Variants in THEM6 observed in about 807,000 individuals in gnomAD.
THEM6 encodes the protein protein THEM6.
Under a neutral mutation model 13.7 loss-of-function variants are expected in THEM6, and 10 were observed. The observed-to-expected ratio is 0.73, with a 90% CI of 0.45 to 1.24. THEM6 has a LOEUF of 1.24. Among genes scored for constraint, THEM6 ranks in the 50% most tolerant of loss-of-function variants. The pLI is 0.00. For missense variants in THEM6, 317 were observed against 312.6 expected (o/e 1.01, Z -0.11); for synonymous variants, 161 against 156.0 (o/e 1.03, Z -0.24).
chr8:142,727,565 G>T lies in THEM6; in HGVS notation c.219G>T (p.Glu73Asp). 1 of 1,543,502 alleles carries T rather than the reference G, an allele frequency of 6.5e-7. No homozygotes were observed. The highest frequency in any genetic ancestry group is 1.9e-5 in the Admixed American group (1 of 53,470). Residue 73 changes from glutamate (E) to aspartate (D), a missense_variant, in exon 1 of 2, where the codon GAG (glutamate) becomes GAT (aspartate). Physicochemically the swap from Glu to Asp is conservative, Grantham distance 45 (BLOSUM62 2). Transcript: ENST00000336138. ...LHMNNARYLR[E>D]ADFARVAHLT... is the part of the protein sequence containing the mutation. Reference sequence around the variant, plus strand: ...TGAACAACGCGCGCTACCTGCGCGAGGCCGACTTTGCGCGCGTCGCGCACC... The same window carrying T: ...TGAACAACGCGCGCTACCTGCGCGATGCCGACTTTGCGCGCGTCGCGCACC...
chr8:142,735,682 G>A lies in THEM6; in HGVS notation c.*243G>A, dbSNP rs1264633025. ...TCTGCCCTCAAGGTGGGGATGGATG[G>A]GCAAAGGAGAGTCCTGCCTGGCCCT... On this transcript the variant is annotated 3_prime_UTR_variant, in exon 2 of 2. Transcript: ENST00000336138. The A allele has an allele frequency of 5.7e-6, 3 of 530,832 alleles. No homozygotes were observed. The highest frequency in any genetic ancestry group is 6.3e-5 in the Admixed American group (2 of 31,962). 32.9% of individuals were successfully genotyped at this position (530,832 alleles called of 1,614,324 possible).
intron 1 of THEM6, 118 bp downstream of exon 1, chr8:142,727,977 C>T (rs1815550567): frequency 1.7e-6 from 2 of 1,173,366 alleles, no homozygotes; most frequent in South Asian, 2.0e-5. Context: ...CTTTCGGATA[C>T]TGCTGGAGTC....
chr8:142,729,997 G>A (rs1414427924), intron 1 of THEM6, among the ~76,000 whole-genome samples: 2 of 152,232 alleles, frequency 1.3e-5, no homozygotes, highest in African/African-American at 4.8e-5. Flanking sequence ...GCTAGCTGTT[G>A]TTGATCTTTT....
chr8:142,730,497 G>A (rs587667980), intron 1 of THEM6, among the ~76,000 whole-genome samples: 6 of 152,312 alleles, frequency 3.9e-5, no homozygotes, highest in Middle Eastern at 3.4e-3. Context: ...CTCCATTCCT[G>A]CTCAGCGCCG....
rs3736011 is a variant in THEM6, at chr8:142,736,371, G to A, written c.*932G>A. ...TGCCCCTCTCTGGCCTGGCCGGCAG[G>A]CGTCTTCTTAACTCCTCTGTCCTCT... On this transcript the variant is annotated 3_prime_UTR_variant, in exon 2 of 2. Transcript: ENST00000336138. 50,801 of 152,400 alleles carry A rather than the reference G, an allele frequency of 0.33. 8,848 individuals carry two copies. The highest frequency in any genetic ancestry group is 0.4 in the Admixed American group (6,149 of 15,308). The allele number at this position is 152,400 out of a possible 1,614,324, so 9.4% of individuals were successfully genotyped here.
Position 142,735,943 on chromosome 8 carries a change from C to T in THEM6, c.*504C>T, listed in dbSNP as rs73362619. The T allele has an allele frequency of 0.019, 3,000 of 154,012 alleles. 96 individuals carry two copies. Among genetic ancestry groups the T allele is most frequent in the African/African-American group, 0.067 (2,795 of 41,608 alleles). The allele number at this position is 154,012 out of a possible 1,614,324, so 9.5% of individuals were successfully genotyped here. On this transcript the variant is annotated 3_prime_UTR_variant, in exon 2 of 2. Coordinates refer to ENST00000336138, the MANE Select transcript of THEM6 (RefSeq NM_016647.3). ...TCTGCCAGGCAGCCCCTCTGGCTTCCGCTGAGGTGGTTGCAGGCCTGGGGC... is the reference window on the plus strand; with the variant it reads ...TCTGCCAGGCAGCCCCTCTGGCTTCTGCTGAGGTGGTTGCAGGCCTGGGGC...
At chr8:142,732,008 T>A (rs1554642984) in intron 1 of THEM6, among the ~76,000 whole-genome samples, 1 of 151,174 alleles carries the variant, frequency 6.6e-6, no homozygotes, top group Non-Finnish European at 1.5e-5. Flanking sequence ...CTCTCCTAGT[T>A]CTTTTTCCTG....
intron 1 of THEM6, among the ~76,000 whole-genome samples, chr8:142,728,772 T>A (rs1414863496): frequency 6.6e-6 from 1 of 152,080 alleles, no homozygotes; most frequent in Non-Finnish European, 1.5e-5. Flanking sequence ...GGTGAAAGAA[T>A]AGCTGGTCCG....
At chr8:142,730,943 C>A (rs1216573374) in intron 1 of THEM6, among the ~76,000 whole-genome samples, 1 of 152,130 alleles carries the variant, frequency 6.6e-6, no homozygotes, top group East Asian at 1.9e-4. Flanking sequence ...GATGGGGTTT[C>A]ACCGTGTTAG....
chr8:142,727,874 C>T lies in THEM6; in HGVS notation c.513+15C>T. 1.4e-6 allele frequency: 2 copies of T among 1,389,912 alleles called. No homozygotes were observed. The highest frequency in any genetic ancestry group is 1.6e-5 in the South Asian group (1 of 62,318). The allele number at this position is 1,389,912 out of a possible 1,614,324, so 86.1% of individuals were successfully genotyped here. A position where few individuals can be genotyped will look rare whatever the true frequency, so the allele number is the denominator to read the frequency against. ...GCCAGCGCAGGGTGAGCGGCCCCCGCCCCTGGCCCCGGAGCACGGCCTTTG... is the reference window on the plus strand; with the variant it reads ...GCCAGCGCAGGGTGAGCGGCCCCCGTCCCTGGCCCCGGAGCACGGCCTTTG... On this transcript the variant is annotated intron_variant, in intron 1 of 1. Coordinates refer to ENST00000336138, the MANE Select transcript of THEM6 (RefSeq NM_016647.3).
intron 1 of THEM6, among the ~76,000 whole-genome samples, chr8:142,729,815 G>A (rs782414257): frequency 6.6e-6 from 1 of 152,154 alleles, no homozygotes; most frequent in Non-Finnish European, 1.5e-5. Flanking sequence ...CCTTTTTCTT[G>A]GAAGTTTAAC....
At chr8:142,731,827 C>T (rs1174772643) in intron 1 of THEM6, among the ~76,000 whole-genome samples, 7 of 152,230 alleles carry the variant, frequency 4.6e-5, no homozygotes, top group African/African-American at 1.7e-4. Flanking sequence ...TTTCTTCCTA[C>T]ACTTAGTTTC....
intron 1 of THEM6, among the ~76,000 whole-genome samples, chr8:142,730,407 A>G (rs1815620273): frequency 6.6e-6 from 1 of 152,190 alleles, no homozygotes; most frequent in African/African-American, 2.4e-5. Flanking sequence ...GTTCTGAGGG[A>G]AGGGAAACTG....
rs1815536697 is a variant in THEM6 at position 142,727,740 on chromosome 8, T to C, written c.394T>C (p.Tyr132His). The C allele has an allele frequency of 6.9e-7, 1 of 1,439,622 alleles. No individual in the cohort carries two copies. Among genetic ancestry groups the C allele is most frequent in the Non-Finnish European group, 9.0e-7 (1 of 1,105,746 alleles). The allele number at this position is 1,439,622 out of a possible 1,614,324, so 89.2% of individuals were successfully genotyped here. The part of the protein sequence containing the change: ...RLLGWDDRAF[Y>H]LEARFVSLRD... Reference sequence around the variant, plus strand: ...GCTGGGCTGGGACGACCGCGCGTTCTACCTGGAGGCGCGCTTTGTCAGCCT... The same window carrying C: ...GCTGGGCTGGGACGACCGCGCGTTCCACCTGGAGGCGCGCTTTGTCAGCCT... The change falls in exon 1 of 2, where the codon TAC becomes CAC. Residue 132 changes from tyrosine (Y) to histidine (H), a missense_variant. By Grantham distance (83) the Tyr-to-His change is moderately conservative (BLOSUM62 2). Coordinates refer to ENST00000336138, the MANE Select transcript of THEM6 (RefSeq NM_016647.3).
At chr8:142,732,787 C>T (rs369961443) in intron 1 of THEM6, among the ~76,000 whole-genome samples, 2 of 151,730 alleles carry the variant, frequency 1.3e-5, no homozygotes, top group East Asian at 1.9e-4. Context: ...TTTCTCATCC[C>T]TGAGGCCACT....
rs587618110 is a variant in THEM6, at chr8:142,727,319, G to T, written c.-28G>T. On this transcript the variant is annotated 5_prime_UTR_variant, in exon 1 of 2. Transcript: ENST00000336138. ...CACCGGCACCGGCGCCACGGACTCC[G>T]CAGGACCCCGCGCCCGCCGCCGCCG... The T allele has an allele frequency of 3.3e-4, 492 of 1,492,180 alleles. 2 individuals carry two copies. The highest frequency in any genetic ancestry group is 2.3e-4 in the Middle Eastern group (1 of 4,256). 92.4% of individuals were successfully genotyped at this position (1,492,180 alleles called of 1,614,324 possible). A position where few individuals can be genotyped will look rare whatever the true frequency, so the allele number is the denominator to read the frequency against.
chr8:142,732,201 TA>T (rs1815663869), intron 1 of THEM6, among the ~76,000 whole-genome samples: 1 of 105,636 alleles, frequency 9.5e-6, no homozygotes, highest in Non-Finnish European at 1.9e-5. Context: ...TATATATATA[TA>T]TATATTTTAA....
At chr8:142,731,198 C>A (rs1431495085) in intron 1 of THEM6, among the ~76,000 whole-genome samples, 6 of 152,174 alleles carry the variant, frequency 3.9e-5, no homozygotes, top group African/African-American at 1.4e-4. Context: ...ACATCCAGTT[C>A]ACAGAAAAAC....
intron 1 of THEM6, 63 bp downstream of exon 1, chr8:142,727,922 T>G: frequency 7.3e-7 from 1 of 1,363,748 alleles, no homozygotes; most frequent in South Asian, 1.7e-5. Context: ...GGGCTCCTCC[T>G]AGTCCCTGGC....
Sources: allele counts gnomAD v4.1 joint callset (sites outside exome capture counted in the v4.1 genomes callset), GRCh38; gene constraint gnomAD v4.1.1; transcripts MANE v1.5; gene names NCBI Gene and HGNC (gene_info 2026-07-23, HGNC 2026-07-21).